Variants in ADGRD2 observed in about 807,000 individuals in gnomAD.
The protein encoded by ADGRD2 is adhesion G protein-coupled receptor D2.
A neutral mutation model predicts 44.4 loss-of-function variants in ADGRD2; 71 were observed. That is an observed-to-expected ratio of 1.60 (90% confidence interval 1.32 to 1.95). The LOEUF is 1.95. ADGRD2 is among the 30% of genes most tolerant of loss of function. ADGRD2 has a pLI of 0.00. For synonymous variants in ADGRD2, 481 were observed against 224.8 expected (o/e 2.14, Z -10.19); for missense variants, 1,039 against 512.4 (o/e 2.03, Z -9.92).
chr9:124,458,326 T>G, intron 9 of ADGRD2, 90 bp downstream of exon 12: 1 of 679,484 alleles, frequency 1.5e-6, no homozygotes, highest in East Asian at 2.7e-5. Flanking sequence ...GCATGTGTCC[T>G]TAGCAGCCCA....
intron 14 of ADGRD2, among the ~76,000 whole-genome samples, chr9:124,468,977 C>T (rs1237753027): frequency 2.6e-5 from 4 of 152,220 alleles, no homozygotes; most frequent in African/African-American, 9.7e-5. Flanking sequence ...AGTTGCCCAG[C>T]CTCCGTCTCC....
At chr9:124,462,934 T>TC (rs1491424949) in intron 10 of ADGRD2, among the ~76,000 whole-genome samples, 3,303 of 147,780 alleles carry the variant, frequency 0.022, 110 homozygotes, top group East Asian at 0.1. Flanking sequence ...TCTCTCTCTC[T>TC]TTCTCTCTCT....
At chr9:124,476,807 G>A (rs757738534) in intron 21 of ADGRD2, 98 bp downstream of exon 24, 35 of 671,100 alleles carry the variant, frequency 5.2e-5, no homozygotes, top group Non-Finnish European at 8.2e-5. Context: ...AAATTAATAC[G>A]CCCAACCTCC....
At chr9:124,473,798 G>A (rs1192259765) in intron 17 of ADGRD2, among the ~76,000 whole-genome samples, 1 of 152,180 alleles carries the variant, frequency 6.6e-6, no homozygotes, top group African/African-American at 2.4e-5. Flanking sequence ...GGGCCACCTG[G>A]AGAGGGTCAC....
At chr9:124,452,141 C>A in exon 1 of ADGRD2, 1 of 717,536 alleles carries the variant, frequency 1.4e-6, no homozygotes, top group Non-Finnish European at 2.6e-6. Flanking sequence ...AATCAAGGAA[C>A]CCTTGGGCCC....
intron 10 of ADGRD2, among the ~76,000 whole-genome samples, chr9:124,460,388 A>ATATTTT (rs33991643): frequency 2.0e-4 from 29 of 145,224 alleles, no homozygotes; most frequent in East Asian, 1.2e-3. Flanking sequence ...ATATATATAT[A>ATATTTT]TTTTTTTTTA....
rs1273181330 is a variant in ADGRD2, at chr9:124,468,142, C to A, written c.2187C>A (p.Ala729=). ...ACAAGAACCTCACCTTCTCCCTGGCCTCTGCCGAGGGCTTCCTCATGACCA... is the reference window on the plus strand; with the variant it reads ...ACAAGAACCTCACCTTCTCCCTGGCATCTGCCGAGGGCTTCCTCATGACCA... The change falls in exon 13 of 22, where the codon GCC becomes GCA. Residue 729 remains alanine (A), a synonymous_variant. Transcript: ENST00000334810. The A allele has an allele frequency of 7.0e-6, 5 of 718,600 alleles. No homozygotes were observed. In the East Asian group the frequency reaches 1.1e-4, roughly 15 times the overall value. The allele number at this position is 718,600 out of a possible 1,614,324, so 44.5% of individuals were successfully genotyped here.
intron 17 of ADGRD2, among the ~76,000 whole-genome samples, chr9:124,473,115 TC>T (rs1226618841): frequency 6.6e-6 from 1 of 152,178 alleles, no homozygotes; most frequent in Non-Finnish European, 1.5e-5. Context: ...CTCTGTGTTT[TC>T]CCCTCACACT....
At chr9:124,476,982 C>T in intron 21 of ADGRD2, 1 of 677,706 alleles carries the variant, frequency 1.5e-6, no homozygotes, top group Admixed American at 2.1e-5. Flanking sequence ...CCTCTGTCCT[C>T]CCCTCTCTCT....
intron 10 of ADGRD2, among the ~76,000 whole-genome samples, chr9:124,464,858 C>T (rs879615086): frequency 6.6e-6 from 1 of 152,158 alleles, no homozygotes; most frequent in Non-Finnish European, 1.5e-5. Context: ...TAATTTTTCA[C>T]ATAAATGGGC....
At chr9:124,462,400 T>C (rs1336123473) in intron 10 of ADGRD2, among the ~76,000 whole-genome samples, 2 of 152,208 alleles carry the variant, frequency 1.3e-5, no homozygotes, top group African/African-American at 2.4e-5. Flanking sequence ...TTGGCTATTC[T>C]AGATTCTTTG....
intron 17 of ADGRD2, among the ~76,000 whole-genome samples, chr9:124,474,890 G>A (rs1295643752): frequency 2.0e-5 from 3 of 152,326 alleles, no homozygotes; most frequent in African/African-American, 7.2e-5. Context: ...TGTGGGGAGA[G>A]AGAGCCAGCT....
At chr9:124,456,361 G>A (rs142304507) in intron 6 of ADGRD2, among the ~76,000 whole-genome samples, 9 of 152,342 alleles carry the variant, frequency 5.9e-5, no homozygotes, top group Non-Finnish European at 1.0e-4. Flanking sequence ...CCCAGCCTTC[G>A]GAGTGTGCCC....
intron 3 of ADGRD2, 53 bp downstream of exon 6, chr9:124,453,729 C>A (rs564742321): frequency 1.5e-6 from 1 of 658,966 alleles, no homozygotes; most frequent in Non-Finnish European, 2.7e-6. Flanking sequence ...CCTTCCCTTC[C>A]GACCCTGGAA....
rs369647381 is a variant in ADGRD2 at position 124,468,165 on chromosome 9, C to T, written c.2210C>T (p.Thr737Ile). Residue 737 changes from threonine (T) to isoleucine (I), a missense_variant, in exon 13 of 22, where the codon ACC (threonine) becomes ATC (isoleucine). Coordinates refer to ENST00000334810, the Ensembl canonical transcript of ADGRD2. ...GCCTCTGCCGAGGGCTTCCTCATGA[C>T]CAGCGAGTGGGCCAAGGCCAATGAG... 188 of 718,528 alleles carry T rather than the reference C, an allele frequency of 2.6e-4. No individual in the cohort carries two copies. The South Asian group carries it at 2.8e-3, about 11-fold the overall frequency. 44.5% of individuals were successfully genotyped at this position (718,528 alleles called of 1,614,324 possible).
chr9:124,469,143 G>T lies in ADGRD2; in HGVS notation c.2388-79G>T, dbSNP rs1301680330. 1.5e-5 allele frequency: 10 copies of T among 653,596 alleles called. No homozygotes were observed. The East Asian group carries it at 2.7e-4, about 18-fold the overall frequency. 40.5% of individuals were successfully genotyped at this position (653,596 alleles called of 1,614,324 possible). On this transcript the variant is annotated intron_variant, in intron 14 of 21. Transcript: ENST00000334810. ...ACAACCTCCAGTAGGGGACAGCTGCGGCTTGGGGGGCGGATCCTGGGTCCT... is the reference window on the plus strand; with the variant it reads ...ACAACCTCCAGTAGGGGACAGCTGCTGCTTGGGGGGCGGATCCTGGGTCCT...
upstream of ADGRD2, chr9:124,451,549 A>G: frequency 3.2e-6 from 1 of 309,082 alleles, no homozygotes; most frequent in South Asian, 2.8e-5. Flanking sequence ...ACCCTGCAGA[A>G]GTCCAAGGGC....
Position 124,470,478 on chromosome 9 carries a change from G to A in ADGRD2, c.2638-16G>A, listed in dbSNP as rs535579343. ...AGGCCTCCCAACCCCCGTCAGCCCT[G>A]CCTGCCCTCCTACAGGGCCACGGTG... On this transcript the variant is annotated splice_polypyrimidine_tract_variant and intron_variant, in intron 16 of 21. Transcript: ENST00000334810. 6.0e-4 allele frequency: 425 copies of A among 706,986 alleles called. No individual in the cohort carries two copies. The highest frequency in any genetic ancestry group is 1.0e-3 in the Non-Finnish European group (395 of 383,110). The allele number at this position is 706,986 out of a possible 1,614,324, so 43.8% of individuals were successfully genotyped here.
At chr9:124,452,279 A>G in intron 1 of ADGRD2, 125 bp downstream of exon 4, 1 of 636,014 alleles carries the variant, frequency 1.6e-6, no homozygotes. Flanking sequence ...CACCCCCACC[A>G]TACCAGGCCC....
Sources: gnomAD v4.1 joint callset for allele counts (sites outside exome capture counted in the v4.1 genomes callset) on GRCh38, gnomAD v4.1.1 for gene constraint, MANE v1.5 for transcripts, NCBI Gene and HGNC (gene_info 2026-07-23, HGNC 2026-07-21) for gene names.